PAPPA2: variants seen among roughly 807,000 people sequenced by gnomAD.
PAPPA2 encodes pappalysin-2.
A neutral mutation model predicts 176.4 loss-of-function variants in PAPPA2; 86 were observed. The observed-to-expected ratio is 0.49, with a 90% CI of 0.41 to 0.58. The LOEUF (loss-of-function observed/expected upper bound fraction) is 0.58, where lower values mean the gene tolerates loss of function less well. Among genes scored for constraint, PAPPA2 ranks in the 20% least tolerant of loss-of-function variants. The pLI, the probability that PAPPA2 is intolerant of heterozygous loss-of-function variation, is 0.00. For missense variants in PAPPA2, 2,073 were observed against 2,256.9 expected (o/e 0.92, Z 1.65); for synonymous variants, 809 against 852.2 (o/e 0.95, Z 0.88).
chr1:176,781,247 G>A (rs950445267), intron 17 of PAPPA2, among the ~76,000 whole-genome samples: 8 of 150,508 alleles, frequency 5.3e-5, no homozygotes, highest in Admixed American at 3.3e-4. Context: ...AAAGTCCAAA[G>A]ATAAAAGTGA....
intron 21 of PAPPA2, among the ~76,000 whole-genome samples, chr1:176,817,583 T>C (rs1666455700): frequency 6.6e-6 from 1 of 152,012 alleles, no homozygotes; most frequent in Admixed American, 6.6e-5. Flanking sequence ...AAGGCACCAA[T>C]AGTATAGATA....
Position 176,586,148 on chromosome 1 carries a change from G to T in PAPPA2, c.920-8376G>T, listed in dbSNP as rs371088823. On this transcript the variant is annotated intron_variant, in intron 2 of 22. Transcript: ENST00000367662. ...GAACAGTCACCTCTTCCAATTTTAT[G>T]AAATAGATTTATAGAAAAAGGCTTA... 8.1e-4 allele frequency among the ~76,000 whole-genome samples: 124 copies of T among 152,194 alleles called. No homozygotes were observed. In the South Asian group the frequency reaches 0.016, roughly 20 times the overall value.
chr1:176,665,557 G>A lies in PAPPA2; in HGVS notation c.1992-5413G>A, dbSNP rs577608980. On this transcript the variant is annotated intron_variant, in intron 3 of 22. Transcript: ENST00000367662. ...CTTTGTTTTGTTATTAGGACTTAAAGTAGAACTGCTTGTCTATCCTGGATT... is the reference window on the plus strand; with the variant it reads ...CTTTGTTTTGTTATTAGGACTTAAAATAGAACTGCTTGTCTATCCTGGATT... Among the ~76,000 whole-genome samples the A allele has an allele frequency of 7.2e-5, 11 of 152,262 alleles. No homozygotes were observed. In the South Asian group the frequency reaches 2.3e-3, roughly 32 times the overall value.
Position 176,695,387 on chromosome 1 carries a change from C to T in PAPPA2, c.2625-351C>T, listed in dbSNP as rs1181695579. Among the ~76,000 whole-genome samples, 3 of 152,180 alleles carry T rather than the reference C, an allele frequency of 2.0e-5. No homozygotes were observed. In the East Asian group the frequency reaches 5.8e-4, roughly 29 times the overall value. On this transcript the variant is annotated intron_variant, in intron 6 of 22. Transcript: ENST00000367662. ...GGAAATTCAAGGAGCCTTTGAATGA[C>T]TTGAGAGTCAATGTAGAAGGGAGTT...
intron 1 of PAPPA2, among the ~76,000 whole-genome samples, chr1:176,535,758 T>C (rs1379860449): frequency 3.3e-5 from 5 of 152,208 alleles, no homozygotes; most frequent in African/African-American, 1.2e-4. Flanking sequence ...CCTCTAGTTT[T>C]CTCATGTATA....
chr1:176,683,811 A>G (rs1242323705), intron 4 of PAPPA2, among the ~76,000 whole-genome samples: 1 of 152,076 alleles, frequency 6.6e-6, no homozygotes, highest in African/African-American at 2.4e-5. Context: ...TATTACCATA[A>G]TGAGGCAAGA....
chr1:176,479,018 G>A (rs1652263479), intron 1 of PAPPA2, among the ~76,000 whole-genome samples: 1 of 152,196 alleles, frequency 6.6e-6, no homozygotes, highest in South Asian at 2.1e-4. Context: ...ATCCATCGAT[G>A]AGGATATTTT....
intron 21 of PAPPA2, among the ~76,000 whole-genome samples, chr1:176,801,073 TA>T (rs1320368029): frequency 1.3e-5 from 2 of 150,706 alleles, no homozygotes; most frequent in African/African-American, 4.9e-5. Flanking sequence ...AATTCTGTCA[TA>T]GGGGAAGGAG....
In PAPPA2 at chr1:176,623,619, C is replaced by T. The variant is rs936184540; in HGVS notation, c.1991+28024C>T. Among the ~76,000 whole-genome samples, 889 of 99,788 alleles carry T rather than the reference C, an allele frequency of 8.9e-3. 5 individuals carry two copies. Among genetic ancestry groups the T allele is most frequent in the African/African-American group, 0.018 (529 of 29,924 alleles). 65.5% of individuals were successfully genotyped at this position (99,788 alleles called of 152,430 possible). A position where few individuals can be genotyped will look rare whatever the true frequency, so the allele number is the denominator to read the frequency against. On this transcript the variant is annotated intron_variant, in intron 3 of 22. Coordinates refer to ENST00000367662, the MANE Select transcript of PAPPA2 (RefSeq NM_020318.3). The stretch of plus-strand genomic sequence containing the variant: ...CCTTCCTTCCTTCCTTCCTTCCTTC[C>T]TTCCTTTTTTACTTTCTTTCTTTCT...
chr1:176,837,344 C>A (rs776000887), intron 21 of PAPPA2, among the ~76,000 whole-genome samples: 1 of 151,918 alleles, frequency 6.6e-6, no homozygotes, highest in Non-Finnish European at 1.5e-5. Flanking sequence ...AAACATAAAT[C>A]ATCTCTGAGG....
intron 4 of PAPPA2, among the ~76,000 whole-genome samples, chr1:176,682,310 A>G (rs1378583701): frequency 6.6e-6 from 1 of 152,196 alleles, no homozygotes; most frequent in East Asian, 1.9e-4. Flanking sequence ...CTGTGAAGGC[A>G]TAAAGCACTA....
At chr1:176,796,677 TTTTCTTTTTCTTTTCTTTCTCTCTTTC>T (rs1235838160) in intron 20 of PAPPA2, among the ~76,000 whole-genome samples, 1 of 151,276 alleles carries the variant, frequency 6.6e-6, no homozygotes, top group African/African-American at 2.4e-5. Context: ...TTCTTTCTCT[TTTTCTTTTTCTTTTCTTTCTCTCTTTC>T]TTTCTTTTTC....
At chr1:176,738,074 G>A (rs1662500935) in intron 12 of PAPPA2, among the ~76,000 whole-genome samples, 1 of 152,062 alleles carries the variant, frequency 6.6e-6, no homozygotes, top group Non-Finnish European at 1.5e-5. Context: ...TTCCCAGGGG[G>A]CTTTGATGTC....
chr1:176,774,092 T>C (rs1664347216), intron 17 of PAPPA2, among the ~76,000 whole-genome samples: 1 of 152,196 alleles, frequency 6.6e-6, no homozygotes, highest in Non-Finnish European at 1.5e-5. Context: ...CTTGATTCTC[T>C]TCCATCTTGC....
intron 3 of PAPPA2, among the ~76,000 whole-genome samples, chr1:176,625,916 G>C (rs562310017): frequency 1.6e-4 from 24 of 152,152 alleles, no homozygotes; most frequent in African/African-American, 5.1e-4. Context: ...GAAGCTACTT[G>C]GGAGACTGAG....
At position 176,732,355 on chromosome 1, in the gene PAPPA2, C is replaced by G. The variant is rs1382065519; in HGVS notation, c.3799-7271C>G. On this transcript the variant is annotated intron_variant, in intron 12 of 22. Coordinates refer to ENST00000367662, the MANE Select transcript of PAPPA2 (RefSeq NM_020318.3). ...ATGTAAGCCTTGTTTTTACCATTAA[C>G]CAGTTAAGTGACCTTATAAAAATCA... Among the ~76,000 whole-genome samples the G allele has an allele frequency of 2.6e-5, 4 of 152,234 alleles. No homozygotes were observed. In the East Asian group the frequency reaches 7.7e-4, roughly 29 times the overall value.
chr1:176,702,767 G>A, intron 9 of PAPPA2, 32 bp downstream of exon 9: 1 of 1,576,462 alleles, frequency 6.3e-7, no homozygotes, highest in South Asian at 1.1e-5. Flanking sequence ...GTGTGTGTGT[G>A]TGTGTGTGTG....
chr1:176,605,950 A>G (rs1209914706), intron 3 of PAPPA2, among the ~76,000 whole-genome samples: 1 of 152,118 alleles, frequency 6.6e-6, no homozygotes, highest in Non-Finnish European at 1.5e-5. Context: ...TGTAACTCCC[A>G]CTGAATTTTA....
intron 1 of PAPPA2, among the ~76,000 whole-genome samples, chr1:176,491,751 T>C (rs1647302640): frequency 6.6e-6 from 1 of 152,248 alleles, no homozygotes; most frequent in Non-Finnish European, 1.5e-5. Flanking sequence ...TTGCTCCTAT[T>C]AGCATCATTC....
Sources: gnomAD v4.1 joint callset for allele counts (sites outside exome capture counted in the v4.1 genomes callset) on GRCh38, gnomAD v4.1.1 for gene constraint, MANE v1.5 for transcripts, NCBI Gene and HGNC (gene_info 2026-07-23, HGNC 2026-07-21) for gene names.